FANCA: variants seen among roughly 807,000 people sequenced by gnomAD.
FANCA encodes FA complementation group A.
Under a neutral mutation model 194.3 loss-of-function variants are expected in FANCA, and 236 were observed. The observed-to-expected ratio is 1.21, with a 90% CI of 1.09 to 1.35. The LOEUF (loss-of-function observed/expected upper bound fraction) is 1.35. Among genes scored for constraint, FANCA ranks in the 40% most tolerant of loss-of-function variants. The pLI is 0.00. For missense variants in FANCA, 2,628 were observed against 1,813.9 expected (o/e 1.45, Z -8.15); for synonymous variants, 1,014 against 715.8 (o/e 1.42, Z -6.65).
chr16:89,791,074 G>A, intron 14 of FANCA: 1 of 269,912 alleles, frequency 3.7e-6, no homozygotes, highest in Non-Finnish European at 6.9e-6. Context: ...TCACTATGGT[G>A]TCCAGGCTTG....
At chr16:89,767,673 C>G (rs139508379) in intron 26 of FANCA, among the ~76,000 whole-genome samples, 3 of 152,148 alleles carry the variant, frequency 2.0e-5, no homozygotes, top group African/African-American at 7.2e-5. Flanking sequence ...CTCAGTCTCC[C>G]GAGTAGCTGG....
At chr16:89,746,988 C>T in intron 33 of FANCA, 98 bp from the exon 34 acceptor site, 3 of 1,173,180 alleles carry the variant, frequency 2.6e-6, no homozygotes, top group Non-Finnish European at 1.2e-6. Flanking sequence ...GAGAAAAACA[C>T]TCGCTAAGGC....
chr16:89,791,189 T>C, intron 14 of FANCA: 1 of 636,804 alleles, frequency 1.6e-6, no homozygotes, highest in Non-Finnish European at 2.8e-6. Context: ...CCCAGGCTCC[T>C]CGGAACATGC....
intron 9 of FANCA, 104 bp from the exon 10 acceptor site, chr16:89,799,336 C>A (rs1041285223): frequency 1.5e-5 from 19 of 1,299,788 alleles, no homozygotes; most frequent in Middle Eastern, 2.5e-4. Context: ...TTCAACCCCC[C>A]AGAGGGCCCA....
intron 37 of FANCA, among the ~76,000 whole-genome samples, chr16:89,741,971 A>G (rs1314449459): frequency 6.7e-6 from 1 of 149,226 alleles, no homozygotes; most frequent in Non-Finnish European, 1.5e-5. Context: ...ACTTTAAACA[A>G]ATTTTTTTTT....
In FANCA at chr16:89,767,156, T is replaced by G. The variant is rs765499572; in HGVS notation, c.2586A>C (p.Pro862=). The part of the protein sequence containing the change: ...SRDTLCSCLS[P]GLIKKFQFLM... ...GTGAACCTACCTTTTTAATAAGGCC[T>G]GGAGATAAGCAGCTGCACAAAGTAT... The change falls in exon 27 of 43, where the codon CCA becomes CCC. Residue 862 remains proline (P), a synonymous_variant. Coordinates refer to ENST00000389301, the MANE Select transcript of FANCA (RefSeq NM_000135.4). 12 of 1,612,180 alleles carry G rather than the reference T, an allele frequency of 7.4e-6. 1 individual carries two copies. In the South Asian group the frequency reaches 1.3e-4, roughly 18 times the overall value.
intron 32 of FANCA, 57 bp from the exon 33 acceptor site, chr16:89,748,824 C>T (rs2038480737): frequency 7.0e-7 from 1 of 1,432,854 alleles, no homozygotes; most frequent in Admixed American, 1.9e-5. Context: ...TGCTCCTTCC[C>T]AAGGGCTCAG....
intron 5 of FANCA, among the ~76,000 whole-genome samples, chr16:89,810,085 G>T (rs2040817972): frequency 6.6e-6 from 1 of 151,866 alleles, no homozygotes; most frequent in African/African-American, 2.4e-5. Context: ...CACTTTGGGA[G>T]GCCGAGGTGG....
intron 17 of FANCA, among the ~76,000 whole-genome samples, chr16:89,782,140 C>A (rs1395414134): frequency 6.6e-6 from 1 of 151,896 alleles, no homozygotes; most frequent in Non-Finnish European, 1.5e-5. Flanking sequence ...CTTTGGGAGG[C>A]CAAGGCGGGC....
Position 89,770,596 on chromosome 16 carries a change from C to G in FANCA, c.2190G>C (p.Leu730=). 5.0e-6 allele frequency: 8 copies of G among 1,611,788 alleles called. No individual in the cohort carries two copies. The highest frequency in any genetic ancestry group is 6.8e-6 in the Non-Finnish European group (8 of 1,179,056). ...GGGGAGCGACACTGGAGGCAGCCATCAGGTTCTGACAGAAAGACGTCAGCA... is the reference window on the plus strand; with the variant it reads ...GGGGAGCGACACTGGAGGCAGCCATGAGGTTCTGACAGAAAGACGTCAGCA... ...DLLLTSFCQN[L]MAASSVAPPE... The change falls in exon 24 of 43, where the codon CTG becomes CTC. Residue 730 remains leucine, a synonymous_variant. Transcript: ENST00000389301.
At chr16:89,776,227 G>A (rs2039500517) in intron 20 of FANCA, among the ~76,000 whole-genome samples, 1 of 140,592 alleles carries the variant, frequency 7.1e-6, no homozygotes, top group Admixed American at 7.5e-5. Context: ...GAGTGCAGTG[G>A]TGCGATCTCG....
chr16:89,773,520 G>A (rs76978504), intron 21 of FANCA, 136 bp from the exon 22 acceptor site: 2 of 695,728 alleles, frequency 2.9e-6, no homozygotes, highest in Admixed American at 4.2e-5. Flanking sequence ...GGGACTGGGA[G>A]TCTCTGAGGA....
intron 36 of FANCA, among the ~76,000 whole-genome samples, chr16:89,743,691 C>T (rs2062184658): frequency 6.6e-6 from 1 of 151,814 alleles, no homozygotes; most frequent in African/African-American, 2.4e-5. Flanking sequence ...GGCATGGTGG[C>T]TCACGCCTGT....
Position 89,771,808 on chromosome 16 carries a change from G to T in FANCA, c.2021C>A (p.Ser674Ter), listed in dbSNP as rs17232973. Residue 674 changes from serine (S) to a stop codon, truncating the protein, a stop_gained, in exon 23 of 43, where the codon TCG becomes TAG. Transcript: ENST00000389301. LOFTEE classifies it high-confidence loss of function. ...MTDPSQRDVISAQVAVISERL... is the reference protein window; with the variant it reads ...MTDPSQRDVI ...TTCAGAAATCACTGCCACCTGTGCCGATATAACTGCGAAGGAAGAAACTAG... is the reference window on the plus strand; with the variant it reads ...TTCAGAAATCACTGCCACCTGTGCCTATATAACTGCGAAGGAAGAAACTAG... 2 of 1,613,818 alleles carry T rather than the reference G, an allele frequency of 1.2e-6. No individual in the cohort carries two copies. Among genetic ancestry groups the T allele is most frequent in the Non-Finnish European group, 1.7e-6 (2 of 1,180,024 alleles).
At chr16:89,773,136 G>T (rs985506810) in intron 22 of FANCA, 135 bp downstream of exon 22, 5 of 743,428 alleles carry the variant, frequency 6.7e-6, no homozygotes, top group African/African-American at 1.7e-5. Context: ...GCCAGCCCGG[G>T]GTCAATCTTT....
intron 26 of FANCA, among the ~76,000 whole-genome samples, chr16:89,769,122 C>G (rs1005138018): frequency 6.6e-6 from 1 of 152,204 alleles, no homozygotes; most frequent in African/African-American, 2.4e-5. Flanking sequence ...TATTCAGACC[C>G]TGTCATAATG....
rs549574815 is a variant in FANCA, at chr16:89,791,499, G to A, written c.1263C>T (p.Ser421=). ...CAGTGACCATGCTGTCCAGCTGGCA[G>A]CTCTCGAATGCCTGGGCCATCAAAC... ...VARLMAQAFE[S]CQLDSMVTAF... The change falls in exon 14 of 43, where the codon AGC becomes AGT. Residue 421 remains serine (S), a synonymous_variant. Coordinates refer to ENST00000389301, the MANE Select transcript of FANCA (RefSeq NM_000135.4). 1 of 1,614,138 alleles carries A rather than the reference G, an allele frequency of 6.2e-7. No homozygotes were observed. Among genetic ancestry groups the A allele is most frequent in the East Asian group, 2.2e-5 (1 of 44,876 alleles).
At position 89,798,528 on chromosome 16, in the gene FANCA, G is replaced by T. The variant is rs926145875; in HGVS notation, c.893+638C>A. On this transcript the variant is annotated intron_variant, in intron 10 of 42. Coordinates refer to ENST00000389301, the MANE Select transcript of FANCA (RefSeq NM_000135.4). ...GTGGCAAATTCTACTGGTTTCTCAA[G>T]ACTTCACTTCAAGGTCCCCTGCCCA... 7 of 1,107,058 alleles carry T rather than the reference G, an allele frequency of 6.3e-6. No homozygotes were observed. The African/African-American group carries it at 9.6e-5, about 15-fold the overall frequency. The allele number at this position is 1,107,058 out of a possible 1,614,324, so 68.6% of individuals were successfully genotyped here. A position where few individuals can be genotyped will look rare whatever the true frequency, so the allele number is the denominator to read the frequency against.
chr16:89,797,723 T>C (rs1298400296), intron 10 of FANCA, among the ~76,000 whole-genome samples: 3 of 151,992 alleles, frequency 2.0e-5, no homozygotes, highest in African/African-American at 7.2e-5. Flanking sequence ...TACTTAAAAA[T>C]AGAAAATACA....
Sources: allele counts gnomAD v4.1 joint callset (sites outside exome capture counted in the v4.1 genomes callset), GRCh38; gene constraint gnomAD v4.1.1; transcripts MANE v1.5; gene names NCBI Gene and HGNC (gene_info 2026-07-23, HGNC 2026-07-21).